Variants in MAPK3 observed in about 807,000 individuals in gnomAD.
MAPK3 encodes MAPK 1.
In MAPK3, 30 loss-of-function variants were observed where a neutral mutation model predicts 41.8. That is an observed-to-expected ratio of 0.72 (90% confidence interval 0.54 to 0.97). The LOEUF (loss-of-function observed/expected upper bound fraction) is 0.97. Ranked by LOEUF, MAPK3 falls within the 50% of genes least tolerant of loss-of-function variation. The pLI, the probability that MAPK3 is intolerant of heterozygous loss-of-function variation, is 0.00. For missense variants in MAPK3, 413 were observed against 509.9 expected, an observed-to-expected ratio of 0.81 and a Z score of 1.83; for synonymous variants, 222 against 213.4, an observed-to-expected ratio of 1.04 and a Z score of -0.35.
intron 5 of MAPK3, 84 bp downstream of exon 5, chr16:30,117,586 G>C: frequency 9.6e-7 from 1 of 1,041,360 alleles, no homozygotes; most frequent in East Asian, 2.4e-5. Flanking sequence ...CCCACACGTG[G>C]TGGTATCCCT....
chr16:30,117,747 C>T lies in MAPK3; in HGVS notation c.698G>A (p.Cys233Tyr), dbSNP rs1277248636. 1 of 1,614,060 alleles carries T rather than the reference C, an allele frequency of 6.2e-7. No homozygotes were observed. Among genetic ancestry groups the T allele is most frequent in the East Asian group, 2.2e-5 (1 of 44,872 alleles). The change falls in exon 5 of 9, where the codon TGC becomes TAC. Residue 233 changes from cysteine (C) to tyrosine (Y), a missense_variant. Transcript: ENST00000263025. ...GTTAGAGAGCATCTCAGCCAGAATG[C>T]AGCCCACAGACCAGATGTCGATGGA... Reference protein sequence around the residue: ...TKSIDIWSVGCILAEMLSNRP... With the variant: ...TKSIDIWSVGYILAEMLSNRP...
intron 2 of MAPK3, among the ~76,000 whole-genome samples, chr16:30,118,881 G>A (rs1337451151): frequency 3.3e-5 from 5 of 152,240 alleles, no homozygotes; most frequent in Non-Finnish European, 2.9e-5. Flanking sequence ...GCTCACACCT[G>A]TAATCCCAGC....
chr16:30,122,712 C>T (rs948473481), intron 1 of MAPK3: 3 of 257,072 alleles, frequency 1.2e-5, no homozygotes, highest in African/African-American at 6.7e-5. Context: ...AAGGATGTCG[C>T]CTCCCCGAGA....
intron 8 of MAPK3, 67 bp downstream of exon 8, chr16:30,116,569 G>T: frequency 2.0e-6 from 3 of 1,481,384 alleles, no homozygotes; most frequent in Non-Finnish European, 2.7e-6. Context: ...GATAGATATA[G>T]ATATAGATAT....
rs2072958011 is a variant in MAPK3 at position 30,116,757 on chromosome 16, C to G, written c.1051G>C (p.Glu351Gln). 1 of 1,613,754 alleles carries G rather than the reference C, an allele frequency of 6.2e-7. No individual in the cohort carries two copies. Among genetic ancestry groups the G allele is most frequent in the African/African-American group, 1.3e-5 (1 of 74,864 alleles). The change falls in exon 8 of 9, where the codon GAG becomes CAG. Residue 351 changes from glutamate to glutamine, a missense_variant. Glu to Gln is a conservative substitution (Grantham distance 29, BLOSUM62 2). This residue lies in a region of MAPK3 where 123 missense variants were observed against 147.8 expected (regional missense o/e 0.83). Transcript: ENST00000263025. Reference sequence around the variant, plus strand: ...CGCTCCTTAGGTAGGTCATCCAGCTCCATGGCGAAGGTGAAGGGCTCCTCG... The same window carrying G: ...CGCTCCTTAGGTAGGTCATCCAGCTGCATGGCGAAGGTGAAGGGCTCCTCG... ...VAEEPFTFAMELDDLPKERLK... is the reference protein window; with the variant it reads ...VAEEPFTFAMQLDDLPKERLK...
Position 30,118,542 on chromosome 16 carries a change from A to G in MAPK3, c.354-4T>C. ...CATCAGGTCCTGCACAATGTAGCTGAGGATGGTTCCGCAGACCCCCCCAGG... is the reference window on the plus strand; with the variant it reads ...CATCAGGTCCTGCACAATGTAGCTGGGGATGGTTCCGCAGACCCCCCCAGG... On this transcript the variant is annotated splice_polypyrimidine_tract_variant and splice_region_variant and intron_variant, in intron 2 of 8. Coordinates refer to ENST00000263025, the MANE Select transcript of MAPK3 (RefSeq NM_002746.3). The G allele has an allele frequency of 6.2e-7, 1 of 1,609,754 alleles. No individual in the cohort carries two copies. The highest frequency in any genetic ancestry group is 8.5e-7 in the Non-Finnish European group (1 of 1,177,470).
At position 30,116,794 on chromosome 16, in the gene MAPK3, GGGT is replaced by G. The variant is rs1384744218; in HGVS notation, c.1018-7_1018-5del. The G allele has an allele frequency of 6.2e-7, 1 of 1,613,704 alleles. No homozygotes were observed. Among genetic ancestry groups the G allele is most frequent in the Non-Finnish European group, 8.5e-7 (1 of 1,179,970 alleles). ...TGAAGGGCTCCTCGGCCACTGGCTG[GGGT>G]GGTAGAGACAGCAAGGCTCAGGCCT... On this transcript the variant is annotated splice_region_variant and splice_polypyrimidine_tract_variant and intron_variant, in intron 7 of 8. Coordinates refer to ENST00000263025, the MANE Select transcript of MAPK3 (RefSeq NM_002746.3).
chr16:30,117,189 G>T lies in MAPK3; in HGVS notation c.872C>A (p.Ala291Asp), dbSNP rs747014104. ...TGACTTGGGGAAAAGCTTGGCCCAA[G>T]CCACCTTGGTCTTGGAGGGCAGAGA... The part of the protein sequence containing the change: ...LQSLPSKTKV[A>D]WAKLFPKSDS... The change falls in exon 6 of 9, where the codon GCT (alanine) becomes GAT (aspartate). Residue 291 changes from alanine to aspartate, a missense_variant. By Grantham distance (126) the Ala-to-Asp change is moderately radical. Coordinates refer to ENST00000263025, the MANE Select transcript of MAPK3 (RefSeq NM_002746.3). The T allele has an allele frequency of 6.2e-7, 1 of 1,614,162 alleles. No individual in the cohort carries two copies. Among genetic ancestry groups the T allele is most frequent in the Non-Finnish European group, 8.5e-7 (1 of 1,180,020 alleles).
In MAPK3 at chr16:30,114,579, G is replaced by A. The variant is rs557347739; in HGVS notation, c.*162C>T. ...AGAAGGCCTTGGCCTGCCTGAAGCT[G>A]GAGGCCTCAGCAAAGGAGAGAGGTG... On this transcript the variant is annotated 3_prime_UTR_variant, in exon 9 of 9. Coordinates refer to ENST00000263025, the MANE Select transcript of MAPK3 (RefSeq NM_002746.3). 2 of 152,570 alleles carry A rather than the reference G, an allele frequency of 1.3e-5. No individual in the cohort carries two copies. The highest frequency in any genetic ancestry group is 4.8e-5 in the African/African-American group (2 of 41,574). 9.5% of individuals were successfully genotyped at this position (152,570 alleles called of 1,614,324 possible). A position where few individuals can be genotyped will look rare whatever the true frequency, so the allele number is the denominator to read the frequency against.
In MAPK3 at chr16:30,116,691, G is replaced by A. The variant is rs751357233; in HGVS notation, c.1117C>T (p.Pro373Ser). ...LIFQETARFQ[P>S]GVLEAP ...GGCTAGGGGGCCTCCAGCACTCCGG[G>A]CTGGAAGCGTGCTGTCTCCTGGAAG... The change falls in exon 8 of 9, where the codon CCC (proline) becomes TCC (serine). Residue 373 changes from proline to serine, a missense_variant. By Grantham distance (74) the Pro-to-Ser change is moderately conservative. Transcript: ENST00000263025. 2.5e-6 allele frequency: 4 copies of A among 1,613,684 alleles called. No homozygotes were observed. Among genetic ancestry groups the A allele is most frequent in the Middle Eastern group, 1.7e-4 (1 of 5,976 alleles).
chr16:30,118,024 C>T (rs1472033885), intron 4 of MAPK3, 23 bp downstream of exon 4: 3 of 1,596,272 alleles, frequency 1.9e-6, no homozygotes, highest in Non-Finnish European at 2.6e-6. Flanking sequence ...CCGTTCCTTT[C>T]AGGAGTGGGC....
At chr16:30,119,484 G>C (rs1253634686) in intron 2 of MAPK3, among the ~76,000 whole-genome samples, 2 of 152,150 alleles carry the variant, frequency 1.3e-5, no homozygotes, top group African/African-American at 4.8e-5. Flanking sequence ...GACTAGATGA[G>C]ATGGCGCATG....
At chr16:30,117,968 T>A in intron 4 of MAPK3, 79 bp downstream of exon 4, 1 of 1,319,712 alleles carries the variant, frequency 7.6e-7, no homozygotes, top group African/African-American at 1.4e-5. Context: ...GTCATGGGGG[T>A]CAGTGTCTGG....
Position 30,118,337 on chromosome 16 carries a change from C to T in MAPK3, c.543+12G>A. On this transcript the variant is annotated intron_variant, in intron 3 of 8. Transcript: ENST00000263025. ...CCTGGGGGAGGAGGGGACAGGTGCCCAACCCTCTGACCTTAAGGTCGCAGG... is the reference window on the plus strand; with the variant it reads ...CCTGGGGGAGGAGGGGACAGGTGCCTAACCCTCTGACCTTAAGGTCGCAGG... The T allele has an allele frequency of 6.2e-7, 1 of 1,607,632 alleles. No individual in the cohort carries two copies.
chr16:30,123,014 C>T, intron 1 of MAPK3, 26 bp downstream of exon 1: 2 of 1,461,382 alleles, frequency 1.4e-6, no homozygotes, highest in Non-Finnish European at 1.8e-6. Flanking sequence ...CCTGAGGGCA[C>T]CCCCTCCCCC....
At chr16:30,118,968 C>T (rs1337512605) in intron 2 of MAPK3, among the ~76,000 whole-genome samples, 1 of 151,940 alleles carries the variant, frequency 6.6e-6, no homozygotes, top group Admixed American at 6.6e-5. Context: ...ATGGCAAAAC[C>T]CTGTCTCTAC....
At chr16:30,116,869 C>T (rs767859288) in intron 7 of MAPK3, 25 bp downstream of exon 7, 51 of 1,613,514 alleles carry the variant, frequency 3.2e-5, no homozygotes, top group Non-Finnish European at 4.3e-5. Flanking sequence ...GCCCCCAGCC[C>T]CACTGCTGCT....
In MAPK3 at chr16:30,122,824, C is replaced by G. The variant is rs1322126699; in HGVS notation, c.170+216G>C. 1.4e-5 allele frequency: 6 copies of G among 433,124 alleles called. No individual in the cohort carries two copies. The South Asian group carries it at 1.9e-4, about 13-fold the overall frequency. The allele number at this position is 433,124 out of a possible 1,614,324, so 26.8% of individuals were successfully genotyped here. On this transcript the variant is annotated intron_variant, in intron 1 of 8. Coordinates refer to ENST00000263025, the MANE Select transcript of MAPK3 (RefSeq NM_002746.3). ...TCATTACAGAAGGGTGGACTCAAAG[C>G]CTCCAAGCCTGCTCCCCTGAGGACG...
chr16:30,121,955 G>T lies in MAPK3; in HGVS notation c.222C>A (p.Ser74Arg). 1 of 1,614,182 alleles carries T rather than the reference G, an allele frequency of 6.2e-7. No homozygotes were observed. Among genetic ancestry groups the T allele is most frequent in the Non-Finnish European group, 8.5e-7 (1 of 1,180,050 alleles). ...GGCAGTAGGTCTGATGTTCGAAGGG[G>T]CTGATCTTCTTGATGGCCACGCGAG... ...RKTRVAIKKI[S>R]PFEHQTYCQR... The change falls in exon 2 of 9, where the codon AGC becomes AGA. Residue 74 changes from serine (S) to arginine (R), a missense_variant. By Grantham distance (110) the Ser-to-Arg change is moderately radical. Coordinates refer to ENST00000263025, the MANE Select transcript of MAPK3 (RefSeq NM_002746.3).
Sources: gnomAD v4.1 joint callset for allele counts (sites outside exome capture counted in the v4.1 genomes callset) on GRCh38, gnomAD v4.1.1 for gene constraint, gnomAD v4.1.1 regional missense constraint, MANE v1.5 for transcripts, NCBI Gene and HGNC (gene_info 2026-07-23, HGNC 2026-07-21) for gene names.